Variants in NFIB observed in about 807,000 individuals in gnomAD.
The protein encoded by NFIB is nuclear factor 1 B-type.
A neutral mutation model predicts 61.5 loss-of-function variants in NFIB; 11 were observed. The observed-to-expected ratio is 0.18, with a 90% CI of 0.11 to 0.30. The LOEUF (loss-of-function observed/expected upper bound fraction) is 0.30. NFIB is among the 10% of genes least tolerant of loss of function. NFIB has a pLI of 1.00. For synonymous variants in NFIB, 260 were observed against 216.5 expected (o/e 1.20, Z -1.76); for missense variants, 471 against 608.9 (o/e 0.77, Z 2.38).
At chr9:14,385,072 C>G (rs1254007573) in intron 1 of NFIB, among the ~76,000 whole-genome samples, 4 of 152,198 alleles carry the variant, frequency 2.6e-5, no homozygotes, top group Admixed American at 2.0e-4. Context: ...AGTTCTTGGA[C>G]TCAAACTCCT....
chr9:14,182,188 A>C (rs1189705808), intron 2 of NFIB, among the ~76,000 whole-genome samples: 1 of 152,188 alleles, frequency 6.6e-6, no homozygotes, highest in Non-Finnish European at 1.5e-5. Flanking sequence ...TTACTAAAAA[A>C]ACCACAAGCA....
At chr9:14,528,937 G>C in the NFIB span, among the ~76,000 whole-genome samples, 1 of 152,090 alleles carries the variant, frequency 6.6e-6, no homozygotes, top group Admixed American at 6.5e-5. Flanking sequence ...GTCATCAACA[G>C]AACTCTAAAT....
At position 14,083,694 on chromosome 9, in the gene NFIB, A is replaced by G. The variant is rs1160993102; in HGVS notation, c.*4615T>C. 3 of 224,176 alleles carry G rather than the reference A, an allele frequency of 1.3e-5. No homozygotes were observed. Among genetic ancestry groups the G allele is most frequent in the African/African-American group, 6.7e-5 (3 of 44,782 alleles). 13.9% of individuals were successfully genotyped at this position (224,176 alleles called of 1,614,324 possible). A position where few individuals can be genotyped will look rare whatever the true frequency, so the allele number is the denominator to read the frequency against. ...TATGGGATAACTTTCTGCAGCCTTC[A>G]TCATTTCACACAGTACATAGAATTT... On this transcript the variant is annotated 3_prime_UTR_variant, in exon 11 of 11. Transcript: ENST00000380953.
intron 1 of NFIB, among the ~76,000 whole-genome samples, chr9:14,309,601 T>C (rs565958339): frequency 4.6e-5 from 7 of 152,212 alleles, no homozygotes; most frequent in Non-Finnish European, 1.0e-4. Flanking sequence ...AATCTGTTCT[T>C]TGTGTGGGAA....
At chr9:14,216,270 C>T (rs73645015) in intron 2 of NFIB, among the ~76,000 whole-genome samples, 108 of 152,114 alleles carry the variant, frequency 7.1e-4, no homozygotes, top group African/African-American at 2.5e-3. Context: ...CAAAGAAATA[C>T]AATTTGGCAC....
the NFIB span, among the ~76,000 whole-genome samples, chr9:14,469,965 TTG>T: frequency 2.6e-5 from 4 of 152,234 alleles, no homozygotes; most frequent in African/African-American, 4.8e-5. Context: ...ACATTTTCCA[TTG>T]TGTGTGTGTG....
the NFIB span, among the ~76,000 whole-genome samples, chr9:14,404,765 C>T: frequency 6.6e-6 from 1 of 152,114 alleles, no homozygotes; most frequent in Non-Finnish European, 1.5e-5. Flanking sequence ...CCTATTCTAG[C>T]GTGGATGGTG....
At chr9:14,174,432 C>T (rs528028954) in intron 3 of NFIB, among the ~76,000 whole-genome samples, 2 of 152,174 alleles carry the variant, frequency 1.3e-5, no homozygotes, top group Admixed American at 6.5e-5. Context: ...CTAATGGACA[C>T]AATAAATGAG....
chr9:14,435,140 A>G, the NFIB span, among the ~76,000 whole-genome samples: 4 of 152,222 alleles, frequency 2.6e-5, no homozygotes, highest in African/African-American at 4.8e-5. Flanking sequence ...TGAGCCATGC[A>G]TGCCCTATGC....
At chr9:14,314,537 TG>T (rs986050546), upstream of NFIB, 2 of 152,246 alleles carry the variant, frequency 1.3e-5, no homozygotes, top group Non-Finnish European at 2.9e-5. Flanking sequence ...TTGCAAAACT[TG>T]GAAGTTGAAA....
At chr9:14,129,746 T>C (rs1156934340) in intron 6 of NFIB, among the ~76,000 whole-genome samples, 1 of 152,088 alleles carries the variant, frequency 6.6e-6, no homozygotes, top group South Asian at 2.1e-4. Flanking sequence ...GAATACTACA[T>C]AAAAAGATTA....
In NFIB at chr9:14,299,873, G is replaced by C. The variant is rs1030438704; in HGVS notation, c.562+7116C>G. Among the ~76,000 whole-genome samples, 3 of 152,258 alleles carry C rather than the reference G, an allele frequency of 2.0e-5. No individual in the cohort carries two copies. The East Asian group carries it at 5.8e-4, about 29-fold the overall frequency. On this transcript the variant is annotated intron_variant, in intron 2 of 10. Transcript: ENST00000380953. ...TAAATTTTGAAGGTTTTTTAAAAAT[G>C]TGTGGCTTTCAATTCAGCCTCAAGG... is the stretch of plus-strand genomic sequence containing the variant.
At chr9:14,411,785 G>T in the NFIB span, among the ~76,000 whole-genome samples, 2 of 152,104 alleles carry the variant, frequency 1.3e-5, no homozygotes, top group African/African-American at 4.8e-5. Context: ...TATTAAGGCT[G>T]GTCTGTTACC....
intron 2 of NFIB, among the ~76,000 whole-genome samples, chr9:14,253,014 A>G (rs1025324566): frequency 5.3e-5 from 8 of 152,190 alleles, no homozygotes; most frequent in Non-Finnish European, 1.2e-4. Context: ...TACAAAGAAA[A>G]AAAAGACCAA....
At chr9:14,284,627 A>G (rs2132468361) in intron 2 of NFIB, among the ~76,000 whole-genome samples, 1 of 152,312 alleles carries the variant, frequency 6.6e-6, no homozygotes, top group Admixed American at 6.5e-5. Context: ...TTGTTCATCT[A>G]TTTCCTTCAG....
the NFIB span, among the ~76,000 whole-genome samples, chr9:14,405,388 G>A: frequency 1.1e-4 from 16 of 152,186 alleles, no homozygotes; most frequent in African/African-American, 3.9e-4. Context: ...AGTGTGGAAT[G>A]TTGCCATAAC....
chr9:14,347,954 T>C (rs1194806473), intron 1 of NFIB, among the ~76,000 whole-genome samples: 1 of 152,160 alleles, frequency 6.6e-6, no homozygotes, highest in African/African-American at 2.4e-5. Context: ...GTGTCTGGTC[T>C]CCGCGCACCA....
At chr9:14,231,901 C>A (rs2053232957) in intron 2 of NFIB, among the ~76,000 whole-genome samples, 2 of 152,122 alleles carry the variant, frequency 1.3e-5, no homozygotes, top group Admixed American at 6.6e-5. Context: ...GGAAAAAAAT[C>A]TCATTTTTCC....
chr9:14,223,486 G>A (rs1255057536), intron 2 of NFIB, among the ~76,000 whole-genome samples: 1 of 152,116 alleles, frequency 6.6e-6, no homozygotes, highest in African/African-American at 2.4e-5. Context: ...TTAAAAATTA[G>A]CATTCCAATT....
Sources: gnomAD v4.1 joint callset for allele counts (sites outside exome capture counted in the v4.1 genomes callset) on GRCh38, gnomAD v4.1.1 for gene constraint, MANE v1.5 for transcripts, NCBI Gene and HGNC (gene_info 2026-07-23, HGNC 2026-07-21) for gene names.